COL22A1: variants seen among roughly 807,000 people sequenced by gnomAD.
COL22A1 encodes collagen type XXII alpha 1 chain, also known as collagen alpha-1(XXII) chain.
COL22A1 carries 221 observed loss-of-function variants against 248.9 expected under a neutral mutation model. The ratio of observed to expected loss-of-function variants is 0.89; its 90% CI spans 0.80 to 0.99. The LOEUF is 0.99. Among genes scored for constraint, COL22A1 ranks in the 50% least tolerant of loss-of-function variants. The probability of loss-of-function intolerance (pLI) is 0.00; values close to 1 mark genes in which losing one functional copy is unlikely to be tolerated. For synonymous variants in COL22A1, 891 were observed against 793.4 expected, an observed-to-expected ratio of 1.12 and a Z score of -2.07; for missense variants, 2,240 against 2,179.0, an observed-to-expected ratio of 1.03 and a Z score of -0.56.
At chr8:138,664,930 C>G (rs985944172) in intron 41 of COL22A1, among the ~76,000 whole-genome samples, 1 of 152,136 alleles carries the variant, frequency 6.6e-6, no homozygotes, top group African/African-American at 2.4e-5. Flanking sequence ...GTTAGTCCCA[C>G]ATCCTGCCCT....
At chr8:138,723,617 C>T (rs1830072369) in intron 25 of COL22A1, among the ~76,000 whole-genome samples, 1 of 152,184 alleles carries the variant, frequency 6.6e-6, no homozygotes, top group Non-Finnish European at 1.5e-5. Context: ...TCCCGTCACT[C>T]ATGGAAAATG....
rs778671289 is a variant in COL22A1 at position 138,773,681 on chromosome 8, T to C, written c.1803+2285A>G. ...GCCCGCTAAACTCTTGGGACCTTGA[T>C]GGAGGGCCTGCACCAGGCACTCTGT... On this transcript the variant is annotated intron_variant, in intron 16 of 64. Transcript: ENST00000303045. Among the ~76,000 whole-genome samples, 76 of 152,214 alleles carry C rather than the reference T, an allele frequency of 5.0e-4. 1 individual carries two copies. Among genetic ancestry groups the C allele is most frequent in the Non-Finnish European group, 8.7e-4 (59 of 68,032 alleles).
chr8:138,796,981 C>T, intron 11 of COL22A1, 124 bp from the exon 12 acceptor site: 1 of 731,472 alleles, frequency 1.4e-6, no homozygotes, highest in Non-Finnish European at 2.5e-6. Context: ...TGCCCAGTAG[C>T]CACTAAAAGA....
intron 52 of COL22A1, chr8:138,620,157 T>A (rs142832376): frequency 3.0e-3 from 453 of 152,282 alleles, no homozygotes; most frequent in Non-Finnish European, 4.9e-3. Flanking sequence ...CAGAAGACAA[T>A]AAGAGGCTTG....
chr8:138,725,748 T>C (rs1830251565), intron 23 of COL22A1, among the ~76,000 whole-genome samples: 1 of 146,120 alleles, frequency 6.8e-6, no homozygotes, highest in South Asian at 2.2e-4. Context: ...TGTGCACATG[T>C]GCAGACACAC....
intron 27 of COL22A1, among the ~76,000 whole-genome samples, chr8:138,717,629 G>T (rs957736379): frequency 2.7e-5 from 4 of 149,816 alleles, no homozygotes; most frequent in Non-Finnish European, 4.5e-5. Flanking sequence ...ACTCACAAAT[G>T]ATTAAAAAAA....
chr8:138,841,521 C>G (rs1820879855), intron 4 of COL22A1, among the ~76,000 whole-genome samples: 1 of 152,110 alleles, frequency 6.6e-6, no homozygotes, highest in Non-Finnish European at 1.5e-5. Context: ...GAGGTAATAC[C>G]ATCAGCTAAG....
chr8:138,694,995 T>G (rs985848221), intron 32 of COL22A1, 116 bp from the exon 33 acceptor site: 3 of 894,638 alleles, frequency 3.4e-6, no homozygotes, highest in Non-Finnish European at 5.2e-6. Flanking sequence ...TATCACCTGA[T>G]AGGTCCCCAC....
chr8:138,736,742 A>G (rs544286692), intron 23 of COL22A1, among the ~76,000 whole-genome samples: 5 of 152,220 alleles, frequency 3.3e-5, no homozygotes, highest in East Asian at 1.9e-4. Context: ...AAGCTGGAAG[A>G]AGGAGGAGGA....
chr8:138,873,818 T>C (rs775057978), intron 3 of COL22A1, among the ~76,000 whole-genome samples: 2 of 152,222 alleles, frequency 1.3e-5, no homozygotes, highest in Non-Finnish European at 2.9e-5. Context: ...AATGGATAAA[T>C]GACATTGAAT....
rs1224960137 is a variant in COL22A1, at chr8:138,613,307, A to G, written c.3978+560T>C. On this transcript the variant is annotated intron_variant, in intron 56 of 64. Coordinates refer to ENST00000303045, the MANE Select transcript of COL22A1 (RefSeq NM_152888.3). ...GGAGAGAGACACAAGCAGGGAGAAC[A>G]CAATGTGAAGATGAAGGCAAAGGCC... Among the ~76,000 whole-genome samples the G allele has an allele frequency of 2.0e-5, 3 of 151,814 alleles. No homozygotes were observed. In the East Asian group the frequency reaches 5.8e-4, roughly 29 times the overall value.
chr8:138,615,612 A>T (rs1819252197), intron 55 of COL22A1, among the ~76,000 whole-genome samples: 1 of 151,878 alleles, frequency 6.6e-6, no homozygotes. Context: ...TTCAAGTGGT[A>T]TACAATTAAC....
intron 11 of COL22A1, 102 bp from the exon 12 acceptor site, chr8:138,796,959 T>C: frequency 1.2e-6 from 1 of 823,782 alleles, no homozygotes; most frequent in Non-Finnish European, 2.2e-6. Flanking sequence ...TTAGATATTT[T>C]CTCATCAGCT....
chr8:138,639,990 G>A (rs965630886), intron 47 of COL22A1, among the ~76,000 whole-genome samples: 1 of 152,214 alleles, frequency 6.6e-6, no homozygotes, highest in African/African-American at 2.4e-5. Context: ...GACATGCGGT[G>A]TCATTAAATC....
intron 7 of COL22A1, among the ~76,000 whole-genome samples, chr8:138,815,514 A>G (rs1586813731): frequency 6.6e-6 from 1 of 151,622 alleles, no homozygotes; most frequent in East Asian, 1.9e-4. Flanking sequence ...TCCTCCTGCC[A>G]CCCCTCCTGC....
chr8:138,656,243 C>T (rs1332872872), intron 44 of COL22A1, among the ~76,000 whole-genome samples: 1 of 152,180 alleles, frequency 6.6e-6, no homozygotes, highest in African/African-American at 2.4e-5. Flanking sequence ...CCTCTTCCCC[C>T]CGACCACCAA....
At chr8:138,634,209 T>C (rs1820955438) in intron 49 of COL22A1, among the ~76,000 whole-genome samples, 1 of 152,168 alleles carries the variant, frequency 6.6e-6, no homozygotes, top group African/African-American at 2.4e-5. Context: ...TTTCATATAT[T>C]TTAAATTTAT....
At chr8:138,651,781 A>C (rs1822760798) in intron 45 of COL22A1, among the ~76,000 whole-genome samples, 1 of 152,174 alleles carries the variant, frequency 6.6e-6, no homozygotes, top group African/African-American at 2.4e-5. Flanking sequence ...GACACCAAAA[A>C]TTCTAGCCAC....
At chr8:138,593,775 G>T (rs974847944) in intron 63 of COL22A1, among the ~76,000 whole-genome samples, 1 of 152,222 alleles carries the variant, frequency 6.6e-6, no homozygotes, top group East Asian at 1.9e-4. Flanking sequence ...GATGGAGAGA[G>T]AACAAGAAAG....
Sources: gnomAD v4.1 joint callset for allele counts (sites outside exome capture counted in the v4.1 genomes callset) on GRCh38, gnomAD v4.1.1 for gene constraint, MANE v1.5 for transcripts, NCBI Gene and HGNC (gene_info 2026-07-23, HGNC 2026-07-21) for gene names.